The following SLC35H1 variants were observed in gnomAD, a reference collection of about 807,000 sequenced individuals.
SLC35H1 encodes the protein ovarian cancer-overexpressed gene 1 protein.
chr20:46,363,815 G>A, the SLC35H1 span, among the ~76,000 whole-genome samples: 108 of 152,340 alleles, frequency 7.1e-4, no homozygotes, highest in African/African-American at 2.3e-3. Flanking sequence ...TGGTCCACAA[G>A]GAAGGCCTCT....
the SLC35H1 span, among the ~76,000 whole-genome samples, chr20:46,358,180 C>A: frequency 6.6e-6 from 1 of 152,196 alleles, no homozygotes; most frequent in African/African-American, 2.4e-5. Flanking sequence ...CTTCACACCC[C>A]CCGCTCTCCT....
chr20:46,353,787 C>G, the SLC35H1 span, among the ~76,000 whole-genome samples: 1 of 150,776 alleles, frequency 6.6e-6, no homozygotes, highest in East Asian at 2.0e-4. Context: ...TGTAAACACA[C>G]GGGAGGGGAG....
chr20:46,351,943 C>T, the SLC35H1 span: 1 of 1,226,092 alleles, frequency 8.2e-7, no homozygotes, highest in African/African-American at 1.5e-5. Context: ...ACTTCCTTCT[C>T]TTCTCTGCAG....
the SLC35H1 span, chr20:46,350,320 T>C: frequency 2.0e-6 from 3 of 1,513,538 alleles, no homozygotes; most frequent in Admixed American, 4.2e-5. Context: ...TGATGAGCCC[T>C]GGCGGCTTGA....
chr20:46,357,547 G>GAACAAGACATGCCTT, the SLC35H1 span: 1 of 1,515,936 alleles, frequency 6.6e-7, no homozygotes, highest in African/African-American at 1.4e-5. Context: ...CAGACATGCG[G>GAACAAGACATGCCTT]GTGTCTCTCT....
the SLC35H1 span, chr20:46,356,636 A>G: frequency 1.2e-6 from 2 of 1,613,658 alleles, no homozygotes; most frequent in Non-Finnish European, 1.7e-6. Flanking sequence ...CCGTCGCCAG[A>G]GCTGTGAAGA....
chr20:46,358,656 G>C, the SLC35H1 span: 1 of 1,552,884 alleles, frequency 6.4e-7, no homozygotes, highest in Admixed American at 2.0e-5. Flanking sequence ...TCCATGATTC[G>C]GAACCATCAG....
At chr20:46,361,106 T>G in the SLC35H1 span, among the ~76,000 whole-genome samples, 7 of 152,188 alleles carry the variant, frequency 4.6e-5, no homozygotes, top group African/African-American at 1.7e-4. Flanking sequence ...CCTAACCTCT[T>G]CTTCCCTTAG....
the SLC35H1 span, among the ~76,000 whole-genome samples, chr20:46,353,730 C>T: frequency 2.5e-4 from 38 of 151,966 alleles, no homozygotes; most frequent in African/African-American, 2.4e-5. Context: ...TGCCAAGTGA[C>T]GACTACCAGG....
chr20:46,359,611 G>C, the SLC35H1 span, among the ~76,000 whole-genome samples: 1 of 152,110 alleles, frequency 6.6e-6, no homozygotes, highest in East Asian at 1.9e-4. Flanking sequence ...CCTGCCTTAC[G>C]GTATTGCCAA....
chr20:46,357,019 C>G, the SLC35H1 span, among the ~76,000 whole-genome samples: 1 of 152,196 alleles, frequency 6.6e-6, no homozygotes, highest in African/African-American at 2.4e-5. Flanking sequence ...TGCCCACCCT[C>G]TCAGTTCTCA....
the SLC35H1 span, chr20:46,355,034 G>T: frequency 6.2e-7 from 1 of 1,613,766 alleles, no homozygotes; most frequent in Non-Finnish European, 8.5e-7. The surrounding 1 kb of genome is among the most constrained non-coding windows in gnomAD (Gnocchi z 4.8). Flanking sequence ...TGCCTGTGCC[G>T]GGGTTCCTCT....
At chr20:46,357,529 T>A in the SLC35H1 span, 1 of 1,443,764 alleles carries the variant, frequency 6.9e-7, no homozygotes, top group Non-Finnish European at 9.5e-7. Flanking sequence ...GGGGAGGGAC[T>A]TGGCTTCCAG....
chr20:46,363,717 C>T, the SLC35H1 span, among the ~76,000 whole-genome samples: 4 of 152,204 alleles, frequency 2.6e-5, no homozygotes, highest in Non-Finnish European at 5.9e-5. Flanking sequence ...TTTCCTCTTT[C>T]GCCCCTAAGG....
At chr20:46,350,873 C>T in the SLC35H1 span, 2 of 1,613,986 alleles carry the variant, frequency 1.2e-6, no homozygotes, top group Non-Finnish European at 1.7e-6. Flanking sequence ...GAGCTGCCAA[C>T]AGCAAAGTGC....
chr20:46,350,343 C>A, the SLC35H1 span: 1 of 1,546,434 alleles, frequency 6.5e-7, no homozygotes, highest in Non-Finnish European at 8.8e-7. Context: ...ACAGTGAGTG[C>A]TGGCAGCAGG....
chr20:46,348,117 C>T, the SLC35H1 span: 1 of 142,888 alleles, frequency 7.0e-6, no homozygotes, highest in Non-Finnish European at 1.5e-5. Context: ...GGTTCTAGGG[C>T]TCAATGCCGA....
At chr20:46,346,179 C>T in the SLC35H1 span, 1 of 151,488 alleles carries the variant, frequency 6.6e-6, no homozygotes, top group African/African-American at 2.4e-5. Context: ...GCCCCACCAG[C>T]AGGATGGTGG....
chr20:46,353,140 T>C, the SLC35H1 span: 1 of 152,250 alleles, frequency 6.6e-6, no homozygotes, highest in African/African-American at 2.4e-5. Flanking sequence ...TACAGAGCTG[T>C]GGGACTTGGG....
Sources: allele counts gnomAD v4.1 joint callset (sites outside exome capture counted in the v4.1 genomes callset), GRCh38; gene constraint gnomAD v4.1.1; non-coding constraint Gnocchi (gnomAD v3.1); transcripts MANE v1.5; gene names NCBI Gene and HGNC (gene_info 2026-07-23, HGNC 2026-07-21).